TBC1D31: variants seen among roughly 807,000 people sequenced by gnomAD.
The protein encoded by TBC1D31 is TBC1 domain family member 31.
In TBC1D31, 99 loss-of-function variants were observed where a neutral mutation model predicts 132.9. That is an observed-to-expected ratio of 0.74 (90% confidence interval 0.63 to 0.88). The LOEUF (loss-of-function observed/expected upper bound fraction) is 0.88, where lower values mean the gene tolerates loss of function less well. Ranked by LOEUF, TBC1D31 falls within the 40% of genes least tolerant of loss-of-function variation. TBC1D31 has a pLI of 0.00. For synonymous variants in TBC1D31, 385 were observed against 419.4 expected (o/e 0.92, Z 1.00); for missense variants, 1,134 against 1,256.6 (o/e 0.90, Z 1.48).
intron 4 of TBC1D31, among the ~76,000 whole-genome samples, chr8:123,088,270 T>G (rs1479520854): frequency 6.6e-6 from 1 of 152,194 alleles, no homozygotes; most frequent in Non-Finnish European, 1.5e-5. Context: ...CAGTAAATAT[T>G]TTTGACTTTG....
At position 123,140,791 on chromosome 8, in the gene TBC1D31, A is replaced by C; in HGVS notation, c.2530A>C (p.Lys844Gln). The C allele has an allele frequency of 6.2e-7, 1 of 1,607,532 alleles. No homozygotes were observed. Residue 844 changes from lysine (K) to glutamine (Q), a missense_variant, in exon 18 of 22, where the codon AAA becomes CAA. By Grantham distance (53) the Lys-to-Gln change is moderately conservative (BLOSUM62 1). Coordinates refer to ENST00000287380, the MANE Select transcript of TBC1D31 (RefSeq NM_145647.4). ...NLTENQEALA[K>Q]EMRADADAYR... ...TACTGAAAATCAAGAAGCTCTTGCA[A>C]AAGAAATGCGAGCAGATGCAGATGC...
intron 17 of TBC1D31, 46 bp downstream of exon 17, chr8:123,134,252 G>C (rs768206541): frequency 1.4e-6 from 2 of 1,444,252 alleles, no homozygotes; most frequent in Non-Finnish European, 1.9e-6. Flanking sequence ...GTTTTGGCCA[G>C]GCTCAGTGGC....
chr8:123,100,673 TATACACAC>T (rs1441931337), intron 6 of TBC1D31, 126 bp from the exon 7 acceptor site: 13 of 515,594 alleles, frequency 2.5e-5, no homozygotes, highest in Admixed American at 9.5e-5. Context: ...TATATATATT[TATACACAC>T]ATACACACAT....
chr8:123,086,790 G>T (rs2129972725), intron 4 of TBC1D31, among the ~76,000 whole-genome samples: 1 of 151,238 alleles, frequency 6.6e-6, no homozygotes, highest in African/African-American at 2.4e-5. Flanking sequence ...CACAATGTCA[G>T]CTCGCTACAA....
At chr8:123,158,221 G>A in the TBC1D31 span, among the ~76,000 whole-genome samples, 3 of 151,728 alleles carry the variant, frequency 2.0e-5, no homozygotes, top group African/African-American at 7.3e-5. Context: ...AAACAGGTAA[G>A]GGTTTTTCCC....
chr8:123,123,394 T>TC (rs1819684428), intron 11 of TBC1D31: 1 of 184,696 alleles, frequency 5.4e-6, no homozygotes, highest in East Asian at 1.3e-4. Flanking sequence ...ACAAGAGGCC[T>TC]CCTTTGGCCT....
intron 17 of TBC1D31, among the ~76,000 whole-genome samples, chr8:123,137,691 A>C (rs971814557): frequency 1.3e-5 from 2 of 152,192 alleles, no homozygotes; most frequent in African/African-American, 4.8e-5. Context: ...AACCCATCCA[A>C]AGGTCAAACT....
intron 7 of TBC1D31, chr8:123,103,402 T>G (rs1347064631): frequency 6.6e-6 from 1 of 151,642 alleles, no homozygotes; most frequent in African/African-American, 2.4e-5. Flanking sequence ...AATAGTCAGT[T>G]TTACAGTACT....
At chr8:123,082,907 G>C (rs62520599) in intron 3 of TBC1D31, 90 bp downstream of exon 3, 86,459 of 845,006 alleles carry the variant, frequency 0.1, 5,378 homozygotes, top group Non-Finnish European at 0.12. Context: ...AGCTTGAGGG[G>C]GCAGTCCCCA....
intron 4 of TBC1D31, among the ~76,000 whole-genome samples, chr8:123,087,845 A>G (rs1479250667): frequency 1.3e-5 from 2 of 152,220 alleles, no homozygotes; most frequent in Non-Finnish European, 2.9e-5. Flanking sequence ...AAATGTGAAA[A>G]TGTATGTATA....
chr8:123,158,157 C>T, the TBC1D31 span, among the ~76,000 whole-genome samples: 1 of 151,642 alleles, frequency 6.6e-6, no homozygotes, highest in African/African-American at 2.4e-5. Flanking sequence ...TTTATATAAG[C>T]TCATTTACCT....
At chr8:123,107,629 T>C (rs939179549) in intron 8 of TBC1D31, among the ~76,000 whole-genome samples, 1 of 152,186 alleles carries the variant, frequency 6.6e-6, no homozygotes, top group African/African-American at 2.4e-5. Flanking sequence ...GGACCTTTTC[T>C]GGGAAAACTG....
At chr8:123,143,137 A>G (rs1031940168) in intron 19 of TBC1D31, among the ~76,000 whole-genome samples, 1 of 152,190 alleles carries the variant, frequency 6.6e-6, no homozygotes, top group African/African-American at 2.4e-5. Context: ...TCACATACAC[A>G]TTCCAGGCAG....
At position 123,128,359 on chromosome 8, in the gene TBC1D31, A is replaced by C. The variant is rs1489429615; in HGVS notation, c.1963A>C (p.Thr655Pro). ...QVYHLMETTP[T>P]DIHPDSMLNV... The stretch of plus-strand genomic sequence containing the variant: ...TTATCATCTCATGGAGACCACGCCT[A>C]CTGACATTCATCCAGACAGCATGCT... The change falls in exon 14 of 22, where the codon ACT becomes CCT. Residue 655 changes from threonine to proline, a missense_variant. Physicochemically the swap from Thr to Pro is conservative, Grantham distance 38. Transcript: ENST00000287380. 1 of 1,613,448 alleles carries C rather than the reference A, an allele frequency of 6.2e-7. No individual in the cohort carries two copies. Among genetic ancestry groups the C allele is most frequent in the South Asian group, 1.1e-5 (1 of 91,066 alleles).
At chr8:123,141,917 G>A (rs1821740345) in intron 18 of TBC1D31, among the ~76,000 whole-genome samples, 1 of 130,234 alleles carries the variant, frequency 7.7e-6, no homozygotes, top group Admixed American at 9.5e-5. Context: ...CTGGAGTGCA[G>A]TGGCACAATC....
chr8:123,093,830 A>G, intron 5 of TBC1D31, 88 bp downstream of exon 5: 1 of 967,750 alleles, frequency 1.0e-6, no homozygotes, highest in Non-Finnish European at 1.4e-6. Context: ...TTTATTCAGT[A>G]TCTTTTTGTC....
chr8:123,108,384 A>G (rs907909044), intron 8 of TBC1D31, among the ~76,000 whole-genome samples: 3 of 152,192 alleles, frequency 2.0e-5, no homozygotes, highest in African/African-American at 7.2e-5. Flanking sequence ...CTTAGATATA[A>G]GGGACTATCA....
chr8:123,156,908 C>T (rs772959893), downstream of TBC1D31, among the ~76,000 whole-genome samples: 55 of 152,224 alleles, frequency 3.6e-4, 1 homozygote, highest in Non-Finnish European at 5.7e-4. Flanking sequence ...ACTGTGACCA[C>T]CCGGACTCCT....
intron 10 of TBC1D31, 30 bp from the exon 11 acceptor site, chr8:123,120,025 A>G (rs567732780): frequency 6.6e-7 from 1 of 1,521,608 alleles, no homozygotes; most frequent in Non-Finnish European, 8.8e-7. Flanking sequence ...TATTCAAATA[A>G]ATTTTAATGC....
Sources: gnomAD v4.1 joint callset for allele counts (sites outside exome capture counted in the v4.1 genomes callset) on GRCh38, gnomAD v4.1.1 for gene constraint, MANE v1.5 for transcripts, NCBI Gene and HGNC (gene_info 2026-07-23, HGNC 2026-07-21) for gene names.